The following CACNA1A variants were observed in gnomAD, a reference collection of about 807,000 sequenced individuals.
CACNA1A encodes calcium voltage-gated channel subunit alpha1 A.
CACNA1A carries 57 observed loss-of-function variants against 262.4 expected under a neutral mutation model. The observed-to-expected ratio is 0.22, with a 90% CI of 0.18 to 0.27. The LOEUF (loss-of-function observed/expected upper bound fraction) is 0.27, where lower values mean the gene tolerates loss of function less well. CACNA1A is among the 10% of genes least tolerant of loss of function. CACNA1A has a pLI of 1.00. For synonymous variants in CACNA1A, 1,431 were observed against 1,419.3 expected (o/e 1.01, Z -0.18); for missense variants, 2,526 against 3,562.8 (o/e 0.71, Z 7.41).
chr19:13,287,351 C>CA (rs1228994281), intron 19 of CACNA1A, among the ~76,000 whole-genome samples: 3 of 150,326 alleles, frequency 2.0e-5, no homozygotes, highest in African/African-American at 2.4e-5. Context: ...ACCCTGTCAC[C>CA]AAAAAAACAA....
chr19:13,237,331 T>TAGGATTTGC (rs796502993), intron 31 of CACNA1A, among the ~76,000 whole-genome samples: 67 of 152,208 alleles, frequency 4.4e-4, no homozygotes, highest in African/African-American at 1.5e-3. Context: ...ATGGGATTTG[T>TAGGATTTGC]AGGATTTGCT....
chr19:13,413,571 TAA>T (rs58314938), intron 3 of CACNA1A, among the ~76,000 whole-genome samples: 16,570 of 71,356 alleles, frequency 0.23, 1,424 homozygotes, highest in African/African-American at 0.26. Context: ...GGTCCTGTCT[TAA>T]AAAAAAAAAA....
intron 6 of CACNA1A, among the ~76,000 whole-genome samples, chr19:13,348,653 T>C (rs893471331): frequency 5.3e-5 from 8 of 152,268 alleles, no homozygotes; most frequent in Non-Finnish European, 1.0e-4. Flanking sequence ...CTGGCCAACA[T>C]GGTGAAACCC....
At chr19:13,345,366 CTT>C (rs1416063280) in intron 6 of CACNA1A, among the ~76,000 whole-genome samples, 2 of 152,084 alleles carry the variant, frequency 1.3e-5, no homozygotes, top group Non-Finnish European at 2.9e-5. Context: ...CACTTCACCC[CTT>C]CTCCGTACTT....
chr19:13,457,269 A>AAAC (rs777230815), intron 1 of CACNA1A, among the ~76,000 whole-genome samples: 36 of 152,026 alleles, frequency 2.4e-4, no homozygotes, highest in Non-Finnish European at 4.7e-4. Flanking sequence ...ACAACAACAA[A>AAAC]AACAACAACA....
chr19:13,245,446 TG>T (rs2056204106), intron 30 of CACNA1A, 181 bp from the exon 31 acceptor site: 3 of 599,704 alleles, frequency 5.0e-6, no homozygotes, highest in Non-Finnish European at 9.1e-6. Context: ...TCTCCCTCCC[TG>T]GGAACTCCTG....
chr19:13,292,555 A>C (rs2144919056), intron 19 of CACNA1A, among the ~76,000 whole-genome samples: 1 of 152,246 alleles, frequency 6.6e-6, no homozygotes, highest in South Asian at 2.1e-4. Context: ...TCAAGGCTGC[A>C]GTGAGCCATG....
At chr19:13,288,776 A>G (rs1002134749) in intron 19 of CACNA1A, among the ~76,000 whole-genome samples, 2 of 152,180 alleles carry the variant, frequency 1.3e-5, no homozygotes, top group Non-Finnish European at 2.9e-5. Context: ...ATCTATCTAG[A>G]AAGAATAAAT....
intron 3 of CACNA1A, among the ~76,000 whole-genome samples, chr19:13,433,066 G>A (rs1375617291): frequency 6.6e-6 from 1 of 151,980 alleles, no homozygotes; most frequent in South Asian, 2.1e-4. Flanking sequence ...GGCTGAGGTG[G>A]GCGGATCACG....
At chr19:13,384,132 C>T (rs1232221243) in intron 3 of CACNA1A, among the ~76,000 whole-genome samples, 1 of 152,090 alleles carries the variant, frequency 6.6e-6, no homozygotes, top group East Asian at 1.9e-4. Flanking sequence ...TTTATTAAGT[C>T]GTATTTATTA....
intron 6 of CACNA1A, among the ~76,000 whole-genome samples, chr19:13,356,653 C>T (rs1599269655): frequency 6.6e-6 from 1 of 152,300 alleles, no homozygotes; most frequent in Admixed American, 6.5e-5. Flanking sequence ...TGACATATCC[C>T]TTTTTTATGC....
At chr19:13,405,436 G>A (rs1380294551) in intron 3 of CACNA1A, among the ~76,000 whole-genome samples, 2 of 151,750 alleles carry the variant, frequency 1.3e-5, no homozygotes, top group African/African-American at 4.8e-5. Flanking sequence ...GAACTCCCGT[G>A]CTCAAGCAAT....
chr19:13,486,394 GTCTC>G (rs150007642), intron 1 of CACNA1A, among the ~76,000 whole-genome samples: 21 of 150,916 alleles, frequency 1.4e-4, no homozygotes, highest in African/African-American at 5.1e-4. Flanking sequence ...CTGTCTGTCT[GTCTC>G]TCTCTCTCTC....
At chr19:13,381,543 C>T (rs1053695402) in intron 3 of CACNA1A, among the ~76,000 whole-genome samples, 8 of 152,172 alleles carry the variant, frequency 5.3e-5, no homozygotes, top group African/African-American at 1.9e-4. Context: ...GAGAAATAGA[C>T]ATTTGAATAA....
intron 29 of CACNA1A, among the ~76,000 whole-genome samples, 195 bp downstream of exon 29, chr19:13,254,900 C>T (rs1600179751): frequency 6.6e-6 from 1 of 152,084 alleles, no homozygotes; most frequent in East Asian, 1.9e-4. Flanking sequence ...TCTGCAGGTA[C>T]AGCTGGGAAG....
chr19:13,472,115 A>C (rs1307729448), intron 1 of CACNA1A, among the ~76,000 whole-genome samples: 1 of 152,060 alleles, frequency 6.6e-6, no homozygotes, highest in Admixed American at 6.6e-5. Flanking sequence ...GGTGCACACT[A>C]TCACACCCAG....
intron 1 of CACNA1A, among the ~76,000 whole-genome samples, chr19:13,467,717 G>A (rs1421090406): frequency 6.6e-6 from 1 of 151,050 alleles, no homozygotes; most frequent in Admixed American, 6.6e-5. Flanking sequence ...TGATTCTCCT[G>A]TCTCATCCTC....
chr19:13,381,473 A>G (rs1401656956), intron 3 of CACNA1A, among the ~76,000 whole-genome samples: 1 of 152,192 alleles, frequency 6.6e-6, no homozygotes, highest in Non-Finnish European at 1.5e-5. Flanking sequence ...ATGTGTTTCA[A>G]CTGAAGTGCT....
rs376684786 is a variant in CACNA1A at position 13,231,851 on chromosome 19, G to A, written c.5259C>T (p.Thr1753=). ...QALMLLFRSA[T]GEAWHNIMLS... ...GCATGATGTTGTGCCAAGCTTCCCCGGTGGCACTCCTGAGGACAGGGAGAA... is the reference window on the plus strand; with the variant it reads ...GCATGATGTTGTGCCAAGCTTCCCCAGTGGCACTCCTGAGGACAGGGAGAA... Residue 1753 remains threonine, a synonymous_variant, in exon 35 of 47, where the codon ACC becomes ACT. Transcript: ENST00000360228. 2.9e-5 allele frequency: 46 copies of A among 1,613,384 alleles called. No homozygotes were observed. In the African/African-American group the frequency reaches 3.7e-4, roughly 13 times the overall value.
Sources: gnomAD v4.1 joint callset for allele counts (sites outside exome capture counted in the v4.1 genomes callset) on GRCh38, gnomAD v4.1.1 for gene constraint, MANE v1.5 for transcripts, NCBI Gene and HGNC (gene_info 2026-07-23, HGNC 2026-07-21) for gene names.